ZNF324: variants seen among roughly 807,000 people sequenced by gnomAD.
ZNF324 encodes the protein zinc finger protein 324.
In ZNF324, 3 loss-of-function variants were observed where a neutral mutation model predicts 10.3. The observed-to-expected ratio is 0.29, with a 90% CI of 0.13 to 0.75. The LOEUF (loss-of-function observed/expected upper bound fraction) is 0.75. ZNF324 is among the 30% of genes least tolerant of loss of function. ZNF324 has a pLI of 0.69. For missense variants in ZNF324, 763 were observed against 784.4 expected (o/e 0.97, Z 0.33); for synonymous variants, 430 against 339.5 (o/e 1.27, Z -2.93).
rs577858846 is a variant in ZNF324, at chr19:58,470,959, C to A, written c.467C>A (p.Ala156Asp). The change falls in exon 4 of 4, where the codon GCC becomes GAC. Residue 156 changes from alanine to aspartate, a missense_variant. Coordinates refer to ENST00000196482, the MANE Select transcript of ZNF324 (RefSeq NM_014347.3). The stretch of plus-strand genomic sequence containing the variant: ...CTGCTAGGCTCAGGCAGTGGGCAAG[C>A]CAGCGTCAGCCTGCGACTGACCTCC... Reference protein sequence around the residue: ...RLLLGSGSGQASVSLRLTSPL... With the variant: ...RLLLGSGSGQDSVSLRLTSPL... 1 of 1,614,212 alleles carries A rather than the reference C, an allele frequency of 6.2e-7. No homozygotes were observed.
In ZNF324 at chr19:58,470,757, G is replaced by A. The variant is rs1244335196; in HGVS notation, c.265G>A (p.Asp89Asn). ...TTCCTGGAGTTTGACAGAGGATAGAGATGTTTCTGGAGAATGGCCACGAGC... is the reference window on the plus strand; with the variant it reads ...TTCCTGGAGTTTGACAGAGGATAGAAATGTTTCTGGAGAATGGCCACGAGC... ...PGSWSLTEDRDVSGEWPRAFP... is the reference protein window; with the variant it reads ...PGSWSLTEDRNVSGEWPRAFP... Residue 89 changes from aspartate (D) to asparagine (N), a missense_variant, in exon 4 of 4, where the codon GAT becomes AAT. Asp to Asn is a conservative substitution (Grantham distance 23). Transcript: ENST00000196482. 4 of 1,614,250 alleles carry A rather than the reference G, an allele frequency of 2.5e-6. No individual in the cohort carries two copies. The highest frequency in any genetic ancestry group is 2.2e-5 in the South Asian group (2 of 91,088).
At chr19:58,470,601 C>T (rs2053020378) in intron 3 of ZNF324, 130 bp from the exon 4 acceptor site, 3 of 1,164,520 alleles carry the variant, frequency 2.6e-6, no homozygotes, top group South Asian at 2.5e-5. Flanking sequence ...CCTGCAGGGC[C>T]AGCCTCACCT....
rs779265268 is a variant in ZNF324 at position 58,471,214 on chromosome 19, C to T, written c.722C>T (p.Ser241Leu). The stretch of plus-strand genomic sequence containing the variant: ...AGACTCCTCGGTGGCCAGGAGCCCT[C>T]GACCTGGGACGAGCTGGGCGAGGCT... ...PHRLLGGQEP[S>L]TWDELGEALH... The change falls in exon 4 of 4, where the codon TCG becomes TTG. Residue 241 changes from serine (S) to leucine (L), a missense_variant. By Grantham distance (145) the Ser-to-Leu change is moderately radical. This residue lies in a region of ZNF324 where 379 missense variants were observed against 319.4 expected (regional missense o/e 1.19). Coordinates refer to ENST00000196482, the MANE Select transcript of ZNF324 (RefSeq NM_014347.3). 10 of 1,613,524 alleles carry T rather than the reference C, an allele frequency of 6.2e-6. No homozygotes were observed. The highest frequency in any genetic ancestry group is 2.2e-5 in the South Asian group (2 of 91,068).
At position 58,471,863 on chromosome 19, in the gene ZNF324, C is replaced by G; in HGVS notation, c.1371C>G (p.Asp457Glu). The part of the protein sequence containing the change: ...HTGERPFRCV[D>E]CGKAFAKGAV... ...GCGAGCGGCCCTTCCGCTGCGTGGA[C>G]TGTGGCAAGGCCTTCGCCAAGGGCG... Residue 457 changes from aspartate (D) to glutamate (E), a missense_variant, in exon 4 of 4, where the codon GAC becomes GAG. By Grantham distance (45) the Asp-to-Glu change is conservative (BLOSUM62 2). Transcript: ENST00000196482. 1 of 1,612,440 alleles carries G rather than the reference C, an allele frequency of 6.2e-7. No individual in the cohort carries two copies. Among genetic ancestry groups the G allele is most frequent in the Non-Finnish European group, 8.5e-7 (1 of 1,179,778 alleles).
In ZNF324 at chr19:58,469,903, C is replaced by A. The variant is rs1478416741; in HGVS notation, c.238+59C>A. 3 of 1,425,314 alleles carry A rather than the reference C, an allele frequency of 2.1e-6. No homozygotes were observed. In the East Asian group the frequency reaches 7.4e-5, roughly 35 times the overall value. The allele number at this position is 1,425,314 out of a possible 1,614,324, so 88.3% of individuals were successfully genotyped here. A position where few individuals can be genotyped will look rare whatever the true frequency, so the allele number is the denominator to read the frequency against. ...ACCAACCTGTGGTCATGCCTCTGTC[C>A]CTGGTTCCCAGACTCCCCAGAAGCA... On this transcript the variant is annotated intron_variant, in intron 3 of 3. Transcript: ENST00000196482.
chr19:58,469,146 G>A (rs759919765), intron 1 of ZNF324, 34 bp from the exon 2 acceptor site: 29 of 1,613,824 alleles, frequency 1.8e-5, no homozygotes, highest in Non-Finnish European at 2.5e-5. Flanking sequence ...CCCAGCCTTA[G>A]ACCATGGCTG....
Position 58,472,024 on chromosome 19 carries a change from G to A in ZNF324, c.1532G>A (p.Arg511Gln), listed in dbSNP as rs768306218. Residue 511 changes from arginine (R) to glutamine (Q), a missense_variant, in exon 4 of 4, where the codon CGA becomes CAA. Physicochemically the swap from Arg to Gln is conservative, Grantham distance 43. Coordinates refer to ENST00000196482, the MANE Select transcript of ZNF324 (RefSeq NM_014347.3). ...CATACCGGCGAGAAGACCGTCCGGC[G>A]ATCCAGGGCCAGCCTGCACCCCCAG... ...RIHTGEKTVRRSRASLHPQAR... is the reference protein window; with the variant it reads ...RIHTGEKTVRQSRASLHPQAR... The A allele has an allele frequency of 2.5e-6, 4 of 1,607,058 alleles. No homozygotes were observed. Among genetic ancestry groups the A allele is most frequent in the Admixed American group, 1.7e-5 (1 of 59,998 alleles).
chr19:58,472,111 C>T lies in ZNF324; in HGVS notation c.1619C>T (p.Pro540Leu), dbSNP rs927267092. Residue 540 changes from proline to leucine, a missense_variant, in exon 4 of 4, where the codon CCC becomes CTC. Physicochemically the swap from Pro to Leu is moderately conservative, Grantham distance 98. This residue lies in a region of ZNF324 where 231 missense variants were observed against 196.0 expected (regional missense o/e 1.18). Transcript: ENST00000196482. ...CCAGCGAAGGAAACCGAGCCCACTC[C>T]CGCCTCGGGCCCAGCCGCCGTCTCG... Reference protein sequence around the residue: ...GAPAKETEPTPASGPAAVSQP... With the variant: ...GAPAKETEPTLASGPAAVSQP... 10 of 1,592,602 alleles carry T rather than the reference C, an allele frequency of 6.3e-6. No homozygotes were observed. Among genetic ancestry groups the T allele is most frequent in the Middle Eastern group, 1.7e-4 (1 of 6,016 alleles).
In ZNF324 at chr19:58,470,687, C is replaced by T. The variant is rs370532431; in HGVS notation, c.239-44C>T. 2.2e-4 allele frequency: 359 copies of T among 1,613,050 alleles called. 1 individual carries two copies. Among genetic ancestry groups the T allele is most frequent in the Middle Eastern group, 1.5e-3 (9 of 6,084 alleles). On this transcript the variant is annotated intron_variant, in intron 3 of 3. Coordinates refer to ENST00000196482, the MANE Select transcript of ZNF324 (RefSeq NM_014347.3). ...TCCACTCAGCCTGCCCTGGTCCTCT[C>T]CTAACCAGGATGCCCCAGGCAACCA...
chr19:58,472,083 G>T lies in ZNF324; in HGVS notation c.1591G>T (p.Ala531Ser). 6.2e-7 allele frequency: 1 copy of T among 1,601,402 alleles called. No individual in the cohort carries two copies. Among genetic ancestry groups the T allele is most frequent in the Non-Finnish European group, 8.5e-7 (1 of 1,175,934 alleles). Residue 531 changes from alanine to serine, a missense_variant, in exon 4 of 4, where the codon GCG becomes TCG. Ala to Ser is a moderately conservative substitution (Grantham distance 99). This residue lies in a region of ZNF324 where 231 missense variants were observed against 196.0 expected (regional missense o/e 1.18). Transcript: ENST00000196482. ...RSVAGASSEGAPAKETEPTPA... is the reference protein window; with the variant it reads ...RSVAGASSEGSPAKETEPTPA... ...TGTTGCCGGGGCATCATCAGAAGGT[G>T]CGCCAGCGAAGGAAACCGAGCCCAC... is the stretch of plus-strand genomic sequence containing the variant.
At chr19:58,470,258 C>T (rs751562033) in intron 3 of ZNF324, among the ~76,000 whole-genome samples, 6 of 152,136 alleles carry the variant, frequency 3.9e-5, no homozygotes, top group Non-Finnish European at 8.8e-5. Context: ...CGACCCTGGT[C>T]CTGCTTTTCT....
rs1179941808 is a variant in ZNF324 at position 58,473,252 on chromosome 19, T to G, written c.*1098T>G. On this transcript the variant is annotated 3_prime_UTR_variant, in exon 4 of 4. Coordinates refer to ENST00000196482, the MANE Select transcript of ZNF324 (RefSeq NM_014347.3). The stretch of plus-strand genomic sequence containing the variant: ...AGACTTGCTATTGCCTAAGGCTATG[T>G]GTGACACCCTCCTGAGGACCTCCCC... 1.3e-5 allele frequency: 2 copies of G among 152,640 alleles called. No individual in the cohort carries two copies. The highest frequency in any genetic ancestry group is 3.9e-4 in the East Asian group (2 of 5,172). 9.5% of individuals were successfully genotyped at this position (152,640 alleles called of 1,614,324 possible). A position where few individuals can be genotyped will look rare whatever the true frequency, so the allele number is the denominator to read the frequency against.
In ZNF324 at chr19:58,470,954, G is replaced by T; in HGVS notation, c.462G>T (p.Gly154=). ...WERLLLGSGS[G]QASVSLRLTS... is the part of the protein sequence containing the mutation. ...GGCTCCTGCTAGGCTCAGGCAGTGG[G>T]CAAGCCAGCGTCAGCCTGCGACTGA... Residue 154 remains glycine (G), a synonymous_variant, in exon 4 of 4, where the codon GGG becomes GGT. Coordinates refer to ENST00000196482, the MANE Select transcript of ZNF324 (RefSeq NM_014347.3). 6.2e-7 allele frequency: 1 copy of T among 1,614,198 alleles called. No homozygotes were observed. The highest frequency in any genetic ancestry group is 8.5e-7 in the Non-Finnish European group (1 of 1,180,052).
chr19:58,470,599 G>A, intron 3 of ZNF324, 132 bp from the exon 4 acceptor site: 1 of 1,143,428 alleles, frequency 8.7e-7, no homozygotes, highest in Non-Finnish European at 1.3e-6. Context: ...CTCCTGCAGG[G>A]CCAGCCTCAC....
chr19:58,473,860 T>G lies in ZNF324; in HGVS notation c.*1706T>G, dbSNP rs1055738133. 6.6e-6 allele frequency: 1 copy of G among 152,312 alleles called. No homozygotes were observed. Among genetic ancestry groups the G allele is most frequent in the Non-Finnish European group, 1.5e-5 (1 of 68,104 alleles). The allele number at this position is 152,312 out of a possible 1,614,324, so 9.4% of individuals were successfully genotyped here. On this transcript the variant is annotated 3_prime_UTR_variant, in exon 4 of 4. Transcript: ENST00000196482. ...GTGGGGCTGTCTGGAGCAGCAGCCC[T>G]GCTAGATGAGTCCTGGTGGATCCTG... is the stretch of plus-strand genomic sequence containing the variant.
chr19:58,468,736 G>A (rs894184334), intron 1 of ZNF324, among the ~76,000 whole-genome samples: 3 of 152,278 alleles, frequency 2.0e-5, no homozygotes, highest in Non-Finnish European at 2.9e-5. Flanking sequence ...TGTGTATGGC[G>A]TTGCCAGTGG....
chr19:58,468,413 G>A (rs2053000143), intron 1 of ZNF324, among the ~76,000 whole-genome samples: 1 of 151,960 alleles, frequency 6.6e-6, no homozygotes, highest in African/African-American at 2.4e-5. Context: ...CGGGTGAAAG[G>A]AGGAAGGGAT....
rs1160229145 is a variant in ZNF324, at chr19:58,471,394, C to T, written c.902C>T (p.Thr301Met). ...GKAFSQTSHL[T>M]QHQRIHSGET... is the part of the protein sequence containing the mutation. The stretch of plus-strand genomic sequence containing the variant: ...GCCTTCAGCCAGACGTCGCACTTGA[C>T]GCAGCACCAGCGCATCCACAGCGGC... Residue 301 changes from threonine (T) to methionine (M), a missense_variant, in exon 4 of 4, where the codon ACG becomes ATG. Physicochemically the swap from Thr to Met is moderately conservative, Grantham distance 81. Around this residue, in one of 3 missense-constraint regions of ZNF324, gnomAD observed 153 missense variants for 269.0 expected, o/e 0.57. Coordinates refer to ENST00000196482, the MANE Select transcript of ZNF324 (RefSeq NM_014347.3). The T allele has an allele frequency of 2.5e-6, 4 of 1,613,358 alleles. No individual in the cohort carries two copies. The highest frequency in any genetic ancestry group is 2.2e-5 in the South Asian group (2 of 91,048).
In ZNF324 at chr19:58,472,217, C is replaced by T. The variant is rs144526888; in HGVS notation, c.*63C>T. ...TCCACAGCTAAAGGGCATATGTCCT[C>T]TGCAGATCCACAGCAGAGAAAAAGT... On this transcript the variant is annotated 3_prime_UTR_variant, in exon 4 of 4. Coordinates refer to ENST00000196482, the MANE Select transcript of ZNF324 (RefSeq NM_014347.3). 5 of 1,453,664 alleles carry T rather than the reference C, an allele frequency of 3.4e-6. No homozygotes were observed. The East Asian group carries it at 9.5e-5, about 27-fold the overall frequency. The allele number at this position is 1,453,664 out of a possible 1,614,324, so 90.0% of individuals were successfully genotyped here.
Sources: allele counts gnomAD v4.1 joint callset (sites outside exome capture counted in the v4.1 genomes callset), GRCh38; gene constraint gnomAD v4.1.1; regional missense constraint gnomAD v4.1.1; transcripts MANE v1.5; gene names NCBI Gene and HGNC (gene_info 2026-07-23, HGNC 2026-07-21).